PLD5: variants seen among roughly 807,000 people sequenced by gnomAD.
PLD5 encodes inactive phospholipase D5.
PLD5 carries 36 observed loss-of-function variants against 61.1 expected under a neutral mutation model. That is an observed-to-expected ratio of 0.59 (90% CI 0.45 to 0.78). PLD5 has a LOEUF of 0.78. Ranked by LOEUF, PLD5 falls within the 30% of genes least tolerant of loss-of-function variation. The probability of loss-of-function intolerance (pLI) is 0.00; values close to 1 mark genes in which losing one functional copy is unlikely to be tolerated. For missense variants in PLD5, 515 were observed against 644.4 expected (o/e 0.80, Z 2.17); for synonymous variants, 243 against 242.8 (o/e 1.00, Z -0.01).
chr1:242,179,767 G>T (rs962511425), intron 5 of PLD5, among the ~76,000 whole-genome samples: 2 of 152,208 alleles, frequency 1.3e-5, no homozygotes, highest in African/African-American at 4.8e-5. Flanking sequence ...GCCGGGCATG[G>T]TGGTGCATGG....
chr1:242,514,440 T>C (rs1669034961), intron 1 of PLD5, among the ~76,000 whole-genome samples: 1 of 152,078 alleles, frequency 6.6e-6, no homozygotes, highest in Non-Finnish European at 1.5e-5. Context: ...CACAATTCAC[T>C]AAACAATTGC....
intron 1 of PLD5, among the ~76,000 whole-genome samples, chr1:242,431,786 C>T (rs1665732458): frequency 6.6e-6 from 1 of 152,224 alleles, no homozygotes; most frequent in Non-Finnish European, 1.5e-5. Context: ...CTCTAGAAAA[C>T]CAGATGTCCT....
At chr1:242,373,734 G>A (rs1223326448) in intron 1 of PLD5, among the ~76,000 whole-genome samples, 1 of 152,010 alleles carries the variant, frequency 6.6e-6, no homozygotes, top group Non-Finnish European at 1.5e-5. Context: ...CTCACTCATA[G>A]GTGGGAATTG....
At chr1:242,523,472 G>GT (rs1669344097) in intron 1 of PLD5, among the ~76,000 whole-genome samples, 1 of 151,996 alleles carries the variant, frequency 6.6e-6, no homozygotes, top group African/African-American at 2.4e-5. Flanking sequence ...CAGAGGGGAG[G>GT]ATTTCTGGGG....
intron 1 of PLD5, among the ~76,000 whole-genome samples, chr1:242,420,576 T>C (rs945385469): frequency 1.3e-5 from 2 of 152,172 alleles, no homozygotes; most frequent in African/African-American, 4.8e-5. Context: ...TTTTATCATT[T>C]CCTCTCTTGC....
At chr1:242,426,953 T>A (rs547452932) in intron 1 of PLD5, among the ~76,000 whole-genome samples, 16 of 152,174 alleles carry the variant, frequency 1.1e-4, no homozygotes, top group African/African-American at 3.9e-4. Context: ...TTTTTACCCA[T>A]CCACAGATTG....
chr1:242,449,440 C>G, intron 1 of PLD5: 1 of 1,535,474 alleles, frequency 6.5e-7, no homozygotes, highest in Non-Finnish European at 8.7e-7. Flanking sequence ...CCTCTGGAGC[C>G]TTCAGAGGCA....
Position 242,524,356 on chromosome 1 carries a change from G to A in PLD5, c.-80C>T. On this transcript the variant is annotated 5_prime_UTR_variant, in exon 1 of 10. Transcript: ENST00000536534. ...GGAGCCGGGCGCGGAGGGCGAGCGG[G>A]AGGCCCAGCGGGAGCCGGAGGTGGA... The A allele has an allele frequency of 7.8e-7, 1 of 1,283,548 alleles. No individual in the cohort carries two copies. The highest frequency in any genetic ancestry group is 1.0e-6 in the Non-Finnish European group (1 of 1,000,330). The allele number at this position is 1,283,548 out of a possible 1,614,324, so 79.5% of individuals were successfully genotyped here.
chr1:242,490,764 C>G (rs79226888), intron 1 of PLD5, among the ~76,000 whole-genome samples: 5,099 of 152,070 alleles, frequency 0.034, 295 homozygotes, highest in African/African-American at 0.12. Flanking sequence ...TAGAGAAAAC[C>G]TACCGCTACG....
At chr1:242,329,778 C>G (rs1406184514) in intron 2 of PLD5, among the ~76,000 whole-genome samples, 1 of 152,134 alleles carries the variant, frequency 6.6e-6, no homozygotes, top group Non-Finnish European at 1.5e-5. Flanking sequence ...TGCTCCCAAA[C>G]TTGGTACATT....
rs1000091178 is a variant in PLD5 at position 242,114,095 on chromosome 1, T to C, written c.934-69A>G. 3.2e-6 allele frequency: 5 copies of C among 1,547,730 alleles called. No homozygotes were observed. The Admixed American group carries it at 9.3e-5, about 29-fold the overall frequency. On this transcript the variant is annotated intron_variant, in intron 6 of 9. Transcript: ENST00000536534. The stretch of plus-strand genomic sequence containing the variant: ...GCAGCTGGGGATTTATTTATTTCCT[T>C]TGTTTCCACGGACCTTGGCTTGTAA...
At chr1:242,243,106 G>A (rs993705500) in intron 4 of PLD5, among the ~76,000 whole-genome samples, 7 of 152,230 alleles carry the variant, frequency 4.6e-5, no homozygotes, top group African/African-American at 7.2e-5. Context: ...GGCATCTGGG[G>A]CTGCCAAACA....
chr1:242,455,743 T>C (rs770151899), intron 1 of PLD5, among the ~76,000 whole-genome samples: 1 of 152,254 alleles, frequency 6.6e-6, no homozygotes, highest in Non-Finnish European at 1.5e-5. Flanking sequence ...TTATATGGCA[T>C]TTCTACAAGG....
intron 3 of PLD5, among the ~76,000 whole-genome samples, chr1:242,283,608 C>T (rs771150286): frequency 4.6e-5 from 7 of 152,068 alleles, no homozygotes; most frequent in South Asian, 2.1e-4. Context: ...TTTTATCACA[C>T]GTATCTGTGA....
intron 4 of PLD5, among the ~76,000 whole-genome samples, chr1:242,253,345 C>T (rs1672823885): frequency 7.3e-6 from 1 of 136,260 alleles, no homozygotes; most frequent in Non-Finnish European, 1.5e-5. Context: ...CGGAGTCTCG[C>T]TCTGTCGCCC....
chr1:242,086,123 C>T lies in PLD5; in HGVS notation c.*3731G>A, dbSNP rs1421919279. 2 of 152,164 alleles carry T rather than the reference C, an allele frequency of 1.3e-5. No homozygotes were observed. Among genetic ancestry groups the T allele is most frequent in the Non-Finnish European group, 2.9e-5 (2 of 68,044 alleles). 9.4% of individuals were successfully genotyped at this position (152,164 alleles called of 1,614,324 possible). A position where few individuals can be genotyped will look rare whatever the true frequency, so the allele number is the denominator to read the frequency against. On this transcript the variant is annotated 3_prime_UTR_variant, in exon 10 of 10. Transcript: ENST00000536534. ...ACTGCATTTCAAAAAAAATCCCCCACATTTTTCAAAGGGTGAGATCAACCA... is the reference window on the plus strand; with the variant it reads ...ACTGCATTTCAAAAAAAATCCCCCATATTTTTCAAAGGGTGAGATCAACCA...
At chr1:242,331,117 C>T (rs189568675) in intron 2 of PLD5, among the ~76,000 whole-genome samples, 1 of 152,172 alleles carries the variant, frequency 6.6e-6, no homozygotes, top group Non-Finnish European at 1.5e-5. Context: ...TGACTCAGCA[C>T]TTGAGCACAT....
chr1:242,226,360 C>T (rs540497893), intron 4 of PLD5, among the ~76,000 whole-genome samples: 1 of 152,328 alleles, frequency 6.6e-6, no homozygotes, highest in Non-Finnish European at 1.5e-5. Context: ...GAGTCCAGAT[C>T]TCTGCAGATC....
At chr1:242,510,268 C>A (rs2654892) in intron 1 of PLD5, among the ~76,000 whole-genome samples, 32,787 of 151,960 alleles carry the variant, frequency 0.22, 3,767 homozygotes, top group African/African-American at 0.27. Flanking sequence ...TGGGGAACCA[C>A]GGAATACGAA....
Sources: gnomAD v4.1 joint callset for allele counts (sites outside exome capture counted in the v4.1 genomes callset) on GRCh38, gnomAD v4.1.1 for gene constraint, MANE v1.5 for transcripts, NCBI Gene and HGNC (gene_info 2026-07-23, HGNC 2026-07-21) for gene names.